Variants in GRM1 observed in about 807,000 individuals in gnomAD.
GRM1 encodes metabotropic glutamate receptor 1.
GRM1 carries 33 observed loss-of-function variants against 90.9 expected under a neutral mutation model. The ratio of observed to expected loss-of-function variants is 0.36; its 90% CI spans 0.28 to 0.49. The LOEUF (loss-of-function observed/expected upper bound fraction) is 0.49, where lower values mean the gene tolerates loss of function less well. GRM1 is among the 20% of genes least tolerant of loss of function. The probability of loss-of-function intolerance (pLI) is 0.99; values close to 1 mark genes in which losing one functional copy is unlikely to be tolerated. For synonymous variants in GRM1, 700 were observed against 613.2 expected (o/e 1.14, Z -2.09); for missense variants, 1,190 against 1,534.3 (o/e 0.78, Z 3.75).
intron 3 of GRM1, among the ~76,000 whole-genome samples, chr6:146,326,734 A>G (rs958588568): frequency 3.3e-5 from 5 of 152,234 alleles, no homozygotes; most frequent in African/African-American, 1.2e-4. Flanking sequence ...AAAAAACTTT[A>G]CTGAAGACTA....
intron 7 of GRM1, among the ~76,000 whole-genome samples, chr6:146,413,795 T>C (rs1465184174): frequency 6.6e-6 from 1 of 152,172 alleles, no homozygotes; most frequent in Non-Finnish European, 1.5e-5. Context: ...TGCCTGTTCT[T>C]GAACTTAATA....
At chr6:146,080,243 G>A (rs1397392915) in intron 1 of GRM1, among the ~76,000 whole-genome samples, 1 of 152,178 alleles carries the variant, frequency 6.6e-6, no homozygotes, top group African/African-American at 2.4e-5. Flanking sequence ...AATTGTGAAT[G>A]TAAGAATTTT....
chr6:146,091,168 GA>G (rs1004848530), intron 1 of GRM1, among the ~76,000 whole-genome samples: 20 of 152,124 alleles, frequency 1.3e-4, no homozygotes, highest in African/African-American at 4.1e-4. Context: ...TTTGCTGTCT[GA>G]AAAAAGAGAA....
chr6:146,372,296 G>A (rs555372781), intron 5 of GRM1, among the ~76,000 whole-genome samples: 2 of 151,980 alleles, frequency 1.3e-5, no homozygotes, highest in African/African-American at 4.8e-5. Flanking sequence ...TTTGTCCGTA[G>A]TTTGATTGGA....
intron 3 of GRM1, among the ~76,000 whole-genome samples, chr6:146,341,910 T>C (rs942967917): frequency 2.0e-5 from 3 of 152,198 alleles, no homozygotes; most frequent in Middle Eastern, 3.2e-3. Flanking sequence ...AAACTAATAT[T>C]AACAACCATG....
Position 146,396,863 on chromosome 6 carries a change from A to T in GRM1, c.1730-1906A>T, listed in dbSNP as rs188343698. ...AGGTTATATGACTTAATATATAAAGATACAGGTGAAATAACCTTACACAAA... is the reference window on the plus strand; with the variant it reads ...AGGTTATATGACTTAATATATAAAGTTACAGGTGAAATAACCTTACACAAA... On this transcript the variant is annotated intron_variant, in intron 6 of 7. Transcript: ENST00000282753. Among the ~76,000 whole-genome samples the T allele has an allele frequency of 2.0e-5, 3 of 152,340 alleles. No homozygotes were observed. The East Asian group carries it at 5.8e-4, about 29-fold the overall frequency.
chr6:146,197,577 C>A (rs550869315), intron 2 of GRM1, among the ~76,000 whole-genome samples: 9 of 152,316 alleles, frequency 5.9e-5, no homozygotes, highest in Non-Finnish European at 1.0e-4. Flanking sequence ...TGTCATTGAT[C>A]AAATGGATCA....
At chr6:146,339,650 A>T (rs944412298) in intron 3 of GRM1, among the ~76,000 whole-genome samples, 11 of 152,232 alleles carry the variant, frequency 7.2e-5, no homozygotes, top group African/African-American at 2.7e-4. Flanking sequence ...AATAATTGAG[A>T]TAATATGAAA....
intron 1 of GRM1, among the ~76,000 whole-genome samples, chr6:146,031,452 A>G (rs1214538854): frequency 6.6e-6 from 1 of 152,158 alleles, no homozygotes; most frequent in African/African-American, 2.4e-5. Context: ...GACAGCATCC[A>G]TAGTGAAGTG....
At chr6:146,306,914 G>A (rs1381156365) in intron 3 of GRM1, among the ~76,000 whole-genome samples, 1 of 152,132 alleles carries the variant, frequency 6.6e-6, no homozygotes, top group East Asian at 1.9e-4. Flanking sequence ...AAGTCCAAGA[G>A]GCTGATTTTG....
At chr6:146,140,105 C>CTTTCTTTCTT (rs1776802289) in intron 1 of GRM1, among the ~76,000 whole-genome samples, 2 of 107,288 alleles carry the variant, frequency 1.9e-5, no homozygotes, top group African/African-American at 7.5e-5. Flanking sequence ...TTCTTTCTTT[C>CTTTCTTTCTT]TTTCTTTCTT....
chr6:146,267,403 C>T (rs1199621875), intron 2 of GRM1, among the ~76,000 whole-genome samples: 2 of 152,006 alleles, frequency 1.3e-5, no homozygotes, highest in African/African-American at 4.8e-5. Context: ...GTAATATACT[C>T]ATGTATTAGT....
chr6:146,310,679 T>C (rs1174712748), intron 3 of GRM1, among the ~76,000 whole-genome samples: 1 of 152,210 alleles, frequency 6.6e-6, no homozygotes, highest in Non-Finnish European at 1.5e-5. Flanking sequence ...CTTGACCTAC[T>C]CTCATTTTCT....
At chr6:146,288,739 C>G (rs775882542) in intron 2 of GRM1, among the ~76,000 whole-genome samples, 8 of 152,132 alleles carry the variant, frequency 5.3e-5, no homozygotes, top group Admixed American at 2.0e-4. Flanking sequence ...CTCCTGACCT[C>G]AAGTGATCTG....
intron 2 of GRM1, among the ~76,000 whole-genome samples, chr6:146,236,564 G>T (rs1780652113): frequency 1.3e-5 from 2 of 152,032 alleles, no homozygotes; most frequent in South Asian, 4.1e-4. Context: ...TGCATCTCAG[G>T]GATAGAGCCT....
At chr6:146,417,844 C>T (rs1562685804) in intron 7 of GRM1, among the ~76,000 whole-genome samples, 1 of 152,074 alleles carries the variant, frequency 6.6e-6, no homozygotes, top group Non-Finnish European at 1.5e-5. Flanking sequence ...TTCTCTTCCC[C>T]TCTGTAATAA....
At chr6:146,317,140 A>G (rs915195282) in intron 3 of GRM1, among the ~76,000 whole-genome samples, 1 of 152,150 alleles carries the variant, frequency 6.6e-6, no homozygotes, top group Non-Finnish European at 1.5e-5. Context: ...TGTGTGCCAA[A>G]TTATTATTTT....
intron 2 of GRM1, among the ~76,000 whole-genome samples, chr6:146,210,569 G>T (rs933242595): frequency 1.3e-5 from 2 of 152,096 alleles, no homozygotes; most frequent in African/African-American, 4.8e-5. Flanking sequence ...TTGGGTAGGT[G>T]TTGCAGGAAC....
chr6:146,430,108 T>G, intron 7 of GRM1, among the ~76,000 whole-genome samples: 1 of 152,238 alleles, frequency 6.6e-6, no homozygotes, highest in Non-Finnish European at 1.5e-5. Context: ...CTGAAACAAA[T>G]AAAACAGACA....
Sources: gnomAD v4.1 joint callset for allele counts (sites outside exome capture counted in the v4.1 genomes callset) on GRCh38, gnomAD v4.1.1 for gene constraint, MANE v1.5 for transcripts, NCBI Gene and HGNC (gene_info 2026-07-23, HGNC 2026-07-21) for gene names.